The following CFAP46 variants were observed in gnomAD, a reference collection of about 807,000 sequenced individuals.
The protein encoded by CFAP46 is cilia- and flagella-associated protein 46.
CFAP46 carries 245 observed loss-of-function variants against 325.7 expected under a neutral mutation model. The ratio of observed to expected loss-of-function variants is 0.75; its 90% CI spans 0.68 to 0.84. CFAP46 has a LOEUF of 0.84. Ranked by LOEUF, CFAP46 falls within the 40% of genes least tolerant of loss-of-function variation. The probability of loss-of-function intolerance (pLI) is 0.00; values close to 1 mark genes in which losing one functional copy is unlikely to be tolerated. For missense variants in CFAP46, 3,346 were observed against 3,543.0 expected (o/e 0.94, Z 1.41); for synonymous variants, 1,523 against 1,495.9 (o/e 1.02, Z -0.42).
intron 24 of CFAP46, 85 bp downstream of exon 24, chr10:132,898,874 T>G (rs1367545017): frequency 6.7e-7 from 1 of 1,498,180 alleles, no homozygotes; most frequent in South Asian, 1.2e-5. Flanking sequence ...GGGTCTGTCT[T>G]TCTTTGGGAG....
rs1035133642 is a variant in CFAP46 at position 132,941,667 on chromosome 10, G to A, written c.230C>T (p.Ala77Val). 6.2e-6 allele frequency: 10 copies of A among 1,613,898 alleles called. No individual in the cohort carries two copies. The highest frequency in any genetic ancestry group is 2.2e-5 in the South Asian group (2 of 91,092). Reference protein sequence around the residue: ...DCIQMYFKVKAPITQFLGRAH... With the variant: ...DCIQMYFKVKVPITQFLGRAH... The stretch of plus-strand genomic sequence containing the variant: ...TCGGCCCAGAAACTGGGTGATGGGC[G>A]CCTTCACCTTGAAGTACATTTGGAT... Residue 77 changes from alanine (A) to valine (V), a missense_variant, in exon 3 of 58, where the codon GCG (alanine) becomes GTG (valine). By Grantham distance (64) the Ala-to-Val change is moderately conservative. Coordinates refer to ENST00000368586, the MANE Select transcript of CFAP46 (RefSeq NM_001200049.3).
At chr10:132,890,023 A>G (rs1849232684) in intron 25 of CFAP46, among the ~76,000 whole-genome samples, 2 of 152,218 alleles carry the variant, frequency 1.3e-5, no homozygotes, top group African/African-American at 4.8e-5. Flanking sequence ...TGCTATGCTC[A>G]ATTCTACTTT....
rs1849745860 is a variant in CFAP46, at chr10:132,922,693, G to C, written c.1272C>G (p.Leu424=). Residue 424 remains leucine, a synonymous_variant, in exon 12 of 58, where the codon CTC becomes CTG. Transcript: ENST00000368586. ...CCATCTCCATGTGCACTTGACAGCGGAGAAGCGTCATGAGGCTGCGGGGGT... is the reference window on the plus strand; with the variant it reads ...CCATCTCCATGTGCACTTGACAGCGCAGAAGCGTCATGAGGCTGCGGGGGT... ...LEKLDSLMTL[L]RCQVHMEMAQ... is the part of the protein sequence containing the mutation. 1 of 1,547,976 alleles carries C rather than the reference G, an allele frequency of 6.5e-7. No homozygotes were observed. Among genetic ancestry groups the C allele is most frequent in the Admixed American group, 2.0e-5 (1 of 50,934 alleles).
chr10:132,921,685 G>A (rs1231368238), intron 13 of CFAP46, among the ~76,000 whole-genome samples: 2 of 152,230 alleles, frequency 1.3e-5, no homozygotes, highest in Non-Finnish European at 1.5e-5. Flanking sequence ...TCTGACTGGT[G>A]TCCTTCCAAA....
chr10:132,814,978 C>T lies in CFAP46; in HGVS notation c.7118-64G>A, dbSNP rs185042262. 6,060 of 1,415,878 alleles carry T rather than the reference C, an allele frequency of 4.3e-3. 24 individuals are homozygous for T. The highest frequency in any genetic ancestry group is 5.6e-3 in the Non-Finnish European group (5,612 of 1,010,932). The allele number at this position is 1,415,878 out of a possible 1,614,324, so 87.7% of individuals were successfully genotyped here. On this transcript the variant is annotated intron_variant, in intron 50 of 57. Transcript: ENST00000368586. Reference sequence around the variant, plus strand: ...AGCTCGAGGCAGCCCTCCGGCCACACGGTCGGTTAATTTCATGTTATGCAA... The same window carrying T: ...AGCTCGAGGCAGCCCTCCGGCCACATGGTCGGTTAATTTCATGTTATGCAA...
chr10:132,885,672 G>C (rs922141677), intron 26 of CFAP46, 149 bp downstream of exon 26: 27 of 742,346 alleles, frequency 3.6e-5, no homozygotes, highest in Non-Finnish European at 5.6e-5. Context: ...GCAGGTGGTG[G>C]GGGGAGCACA....
Position 132,859,062 on chromosome 10 carries a change from C to A in CFAP46, c.5375+9G>T. 1 of 1,548,588 alleles carries A rather than the reference C, an allele frequency of 6.5e-7. No individual in the cohort carries two copies. Among genetic ancestry groups the A allele is most frequent in the African/African-American group, 1.4e-5 (1 of 73,138 alleles). Reference sequence around the variant, plus strand: ...GACTCCCGTGCAGGGGTCGTGGAGGCAGCCTTACCTCTTGATCTTCGCACG... The same window carrying A: ...GACTCCCGTGCAGGGGTCGTGGAGGAAGCCTTACCTCTTGATCTTCGCACG... On this transcript the variant is annotated intron_variant, in intron 38 of 57. Transcript: ENST00000368586.
chr10:132,865,528 G>A lies in CFAP46; in HGVS notation c.4890+497C>T, dbSNP rs961879104. Reference sequence around the variant, plus strand: ...CCGGGGAGACGGGGCCTCAGCAAACGTCCCGGGGCTTTCGCTGGGGACCGT... The same window carrying A: ...CCGGGGAGACGGGGCCTCAGCAAACATCCCGGGGCTTTCGCTGGGGACCGT... On this transcript the variant is annotated intron_variant, in intron 35 of 57. Coordinates refer to ENST00000368586, the MANE Select transcript of CFAP46 (RefSeq NM_001200049.3). Among the ~76,000 whole-genome samples, 8 of 152,212 alleles carry A rather than the reference G, an allele frequency of 5.3e-5. No homozygotes were observed. The South Asian group carries it at 1.5e-3, about 28-fold the overall frequency.
At chr10:132,873,676 G>A (rs1291645941) in intron 31 of CFAP46, among the ~76,000 whole-genome samples, 1 of 152,064 alleles carries the variant, frequency 6.6e-6, no homozygotes, top group African/African-American at 2.4e-5. Flanking sequence ...TCTAGGAGGA[G>A]GCCGTCCCCT....
At chr10:132,867,618 C>A (rs751665230) in intron 33 of CFAP46, 111 bp from the exon 34 acceptor site, 3 of 1,330,210 alleles carry the variant, frequency 2.3e-6, no homozygotes, top group South Asian at 1.5e-5. Context: ...ATTCTTCACG[C>A]GCGTGTTTAC....
intron 31 of CFAP46, among the ~76,000 whole-genome samples, chr10:132,873,043 AT>A (rs1242392107): frequency 2.0e-5 from 3 of 152,068 alleles, no homozygotes; most frequent in Non-Finnish European, 4.4e-5. Context: ...CATGGGTTTC[AT>A]TTTGTCACGT....
rs1848257365 is a variant in CFAP46 at position 132,836,833 on chromosome 10, G to A, written c.6520C>T (p.His2174Tyr). Residue 2174 changes from histidine to tyrosine, a missense_variant, in exon 45 of 58, where the codon CAC becomes TAC. Coordinates refer to ENST00000368586, the MANE Select transcript of CFAP46 (RefSeq NM_001200049.3). ...MPPTFWILFL[H>Y]LSGDRSRLYG... ...CGGCTTTACCTGTCCCCTGAGAGGT[G>A]CAGAAAGAGGATCCAAAAGGTCGGA... 2 of 1,613,616 alleles carry A rather than the reference G, an allele frequency of 1.2e-6. No individual in the cohort carries two copies. Among genetic ancestry groups the A allele is most frequent in the Non-Finnish European group, 1.7e-6 (2 of 1,179,830 alleles).
At chr10:132,860,058 C>T (rs1027328694) in intron 37 of CFAP46, among the ~76,000 whole-genome samples, 4 of 152,140 alleles carry the variant, frequency 2.6e-5, no homozygotes, top group Non-Finnish European at 5.9e-5. Context: ...ATAAGGGAGG[C>T]GTGCCTGCCG....
intron 50 of CFAP46, among the ~76,000 whole-genome samples, chr10:132,829,643 C>CG (rs1848117035): frequency 6.6e-6 from 1 of 152,238 alleles, no homozygotes; most frequent in Non-Finnish European, 1.5e-5. Flanking sequence ...CAACCTGCGA[C>CG]GCTCAGGGGC....
In CFAP46 at chr10:132,847,263, G is replaced by C; in HGVS notation, c.6011C>G (p.Ala2004Gly). Reference sequence around the variant, plus strand: ...CGGCGGGTCCCTGCTGGACTTTGTGGCACCCTCTTCCTCTACCTCCAGCTC... The same window carrying C: ...CGGCGGGTCCCTGCTGGACTTTGTGCCACCCTCTTCCTCTACCTCCAGCTC... Reference protein sequence around the residue: ...SLELEVEEEGATKSSRDPPAS... With the variant: ...SLELEVEEEGGTKSSRDPPAS... Residue 2004 changes from alanine (A) to glycine (G), a missense_variant, in exon 42 of 58, where the codon GCC (alanine) becomes GGC (glycine). Coordinates refer to ENST00000368586, the MANE Select transcript of CFAP46 (RefSeq NM_001200049.3). The surrounding 1 kb of genome is among the most constrained non-coding windows in gnomAD (Gnocchi z 5.2). 2 of 1,613,436 alleles carry C rather than the reference G, an allele frequency of 1.2e-6. No individual in the cohort carries two copies. Among genetic ancestry groups the C allele is most frequent in the African/African-American group, 1.3e-5 (1 of 75,016 alleles).
chr10:132,859,912 G>A (rs959514802), intron 37 of CFAP46, among the ~76,000 whole-genome samples: 1 of 152,170 alleles, frequency 6.6e-6, no homozygotes, highest in Non-Finnish European at 1.5e-5. Flanking sequence ...AAAATTAGCC[G>A]GGCATGGTGG....
At chr10:132,887,183 T>C (rs1290949312) in intron 25 of CFAP46, among the ~76,000 whole-genome samples, 1 of 87,708 alleles carries the variant, frequency 1.1e-5, no homozygotes, top group African/African-American at 7.2e-5. Flanking sequence ...TCTCCCCTCT[T>C]CTCTCTCTCC....
intron 44 of CFAP46, among the ~76,000 whole-genome samples, chr10:132,843,987 A>G (rs375859013): frequency 6.6e-4 from 43 of 65,216 alleles, no homozygotes; most frequent in African/African-American, 1.8e-3. Flanking sequence ...CTCTGGTCTC[A>G]GTGGGTGTTC....
intron 17 of CFAP46, among the ~76,000 whole-genome samples, chr10:132,913,903 C>G (rs1408791666): frequency 6.6e-6 from 1 of 152,052 alleles, no homozygotes; most frequent in Admixed American, 6.6e-5. Flanking sequence ...CCCAGCAGCC[C>G]CCTCGTTCCA....
Sources: allele counts gnomAD v4.1 joint callset (sites outside exome capture counted in the v4.1 genomes callset), GRCh38; gene constraint gnomAD v4.1.1; non-coding constraint Gnocchi (gnomAD v3.1); transcripts MANE v1.5; gene names NCBI Gene and HGNC (gene_info 2026-07-23, HGNC 2026-07-21).